WIPF2: variants seen among roughly 807,000 people sequenced by gnomAD.
The protein encoded by WIPF2 is WAS/WASL interacting protein family member 2.
In WIPF2, 23 loss-of-function variants were observed where a neutral mutation model predicts 38.8. The observed-to-expected ratio is 0.59, with a 90% confidence interval of 0.43 to 0.84. WIPF2 has a LOEUF of 0.84. WIPF2 is among the 40% of genes least tolerant of loss of function. WIPF2 has a pLI of 0.00. For missense variants in WIPF2, 574 were observed against 580.5 expected, an observed-to-expected ratio of 0.99 and a Z score of 0.11; for synonymous variants, 210 against 223.2, an observed-to-expected ratio of 0.94 and a Z score of 0.53.
At chr17:40,263,284 G>T (rs1010891803) in intron 4 of WIPF2, among the ~76,000 whole-genome samples, 1 of 151,974 alleles carries the variant, frequency 6.6e-6, no homozygotes, top group Admixed American at 6.6e-5. Flanking sequence ...CTCATAAGGG[G>T]CATGCAACCT....
chr17:40,269,721 C>T (rs996303249), intron 5 of WIPF2, among the ~76,000 whole-genome samples: 1 of 148,734 alleles, frequency 6.7e-6, no homozygotes, highest in Non-Finnish European at 1.5e-5. Flanking sequence ...TCTCCTGCCT[C>T]AGCCTCCCGA....
intron 1 of WIPF2, among the ~76,000 whole-genome samples, chr17:40,241,535 T>C (rs1211523086): frequency 2.6e-5 from 4 of 152,210 alleles, no homozygotes; most frequent in Non-Finnish European, 5.9e-5. Context: ...TTTGGGCTTG[T>C]GTGACTTCAT....
At chr17:40,234,192 C>A (rs1043112003) in intron 1 of WIPF2, among the ~76,000 whole-genome samples, 24 of 152,074 alleles carry the variant, frequency 1.6e-4, no homozygotes, top group South Asian at 6.2e-4. Flanking sequence ...CATGGTAAAA[C>A]CCTGTCTCTA....
rs1374727671 is a variant in WIPF2 at position 40,276,431 on chromosome 17, G to T, written c.1181-652G>T. ...TAATCTCAGGGACGCTGGGGCAGGA[G>T]AATCGCTTGAACTTGGGAGGTGGAG... On this transcript the variant is annotated intron_variant, in intron 6 of 7. Transcript: ENST00000323571. Among the ~76,000 whole-genome samples the T allele has an allele frequency of 6.7e-5, 9 of 133,432 alleles. No homozygotes were observed. The East Asian group carries it at 1.1e-3, about 17-fold the overall frequency. The allele number at this position is 133,432 out of a possible 152,430, so 87.5% of individuals were successfully genotyped here. A position where few individuals can be genotyped will look rare whatever the true frequency, so the allele number is the denominator to read the frequency against.
chr17:40,262,661 C>G lies in WIPF2; in HGVS notation c.313+20C>G. The G allele has an allele frequency of 6.3e-7, 1 of 1,594,958 alleles. No individual in the cohort carries two copies. Among genetic ancestry groups the G allele is most frequent in the Non-Finnish European group, 8.6e-7 (1 of 1,163,214 alleles). On this transcript the variant is annotated intron_variant, in intron 4 of 7. Coordinates refer to ENST00000323571, the MANE Select transcript of WIPF2 (RefSeq NM_133264.5). The stretch of plus-strand genomic sequence containing the variant: ...GTTCAGGTATCTGATGAGTACTTTC[C>G]CAGGGTATTTCCCTGGTGTGTTAAT...
Position 40,282,475 on chromosome 17 carries a change from G to A in WIPF2, c.*4250G>A, listed in dbSNP as rs2032572685. ...CGTGCGCACGCGTGTGCGTGTGTGT[G>A]TTCATCTGTCTGCATGTGGATCAAT... On this transcript the variant is annotated 3_prime_UTR_variant, in exon 8 of 8. Coordinates refer to ENST00000323571, the MANE Select transcript of WIPF2 (RefSeq NM_133264.5). 1 of 151,932 alleles carries A rather than the reference G, an allele frequency of 6.6e-6. No homozygotes were observed. Among genetic ancestry groups the A allele is most frequent in the African/African-American group, 2.4e-5 (1 of 41,178 alleles). The allele number at this position is 151,932 out of a possible 1,614,324, so 9.4% of individuals were successfully genotyped here.
chr17:40,267,234 C>T (rs138140736), intron 5 of WIPF2, among the ~76,000 whole-genome samples: 26 of 152,248 alleles, frequency 1.7e-4, no homozygotes, highest in African/African-American at 5.5e-4. Flanking sequence ...TGTGTTTAAC[C>T]AGCGTTAGCA....
chr17:40,257,268 C>T (rs761938109), intron 2 of WIPF2, among the ~76,000 whole-genome samples: 12 of 152,194 alleles, frequency 7.9e-5, no homozygotes, highest in South Asian at 2.1e-4. Flanking sequence ...TGAGCCACCG[C>T]GCCCGGCTTG....
intron 1 of WIPF2, among the ~76,000 whole-genome samples, chr17:40,255,133 C>G (rs553940465): frequency 1.3e-5 from 2 of 152,212 alleles, no homozygotes; most frequent in African/African-American, 4.8e-5. Context: ...TATTAAAGGA[C>G]TGTTATCCAG....
intron 6 of WIPF2, among the ~76,000 whole-genome samples, chr17:40,276,196 G>C (rs1401090675): frequency 6.6e-6 from 1 of 152,148 alleles, no homozygotes; most frequent in African/African-American, 2.4e-5. Context: ...ATTTAGATCA[G>C]TTGTTTTCCC....
chr17:40,266,912 C>CA (rs2145394260), intron 5 of WIPF2, among the ~76,000 whole-genome samples: 1 of 152,242 alleles, frequency 6.6e-6, no homozygotes, highest in South Asian at 2.1e-4. Context: ...GGCTTAGAAG[C>CA]AAGTGGGTAG....
At chr17:40,220,239 A>C (rs1377590196) in intron 1 of WIPF2, among the ~76,000 whole-genome samples, 2 of 151,698 alleles carry the variant, frequency 1.3e-5, no homozygotes, top group African/African-American at 4.8e-5. Flanking sequence ...GGACTCCCAG[A>C]GTGCTGGGAT....
At chr17:40,229,818 C>T (rs920529516) in intron 1 of WIPF2, among the ~76,000 whole-genome samples, 1 of 152,148 alleles carries the variant, frequency 6.6e-6, no homozygotes, top group Non-Finnish European at 1.5e-5. Flanking sequence ...AGAGGAAGGG[C>T]AGTCAGAGAA....
At chr17:40,257,655 A>G (rs1216968344) in intron 2 of WIPF2, among the ~76,000 whole-genome samples, 2 of 149,840 alleles carry the variant, frequency 1.3e-5, no homozygotes, top group African/African-American at 2.5e-5. Flanking sequence ...CTGAAGCGGG[A>G]GAATTGCTTG....
intron 1 of WIPF2, chr17:40,220,678 G>C (rs944424797): frequency 6.9e-6 from 1 of 144,652 alleles, no homozygotes; most frequent in African/African-American, 2.6e-5. Context: ...CTGTTGTCCA[G>C]GCTAGTCTGG....
At chr17:40,249,369 A>C (rs2031479192) in intron 1 of WIPF2, among the ~76,000 whole-genome samples, 1 of 152,164 alleles carries the variant, frequency 6.6e-6, no homozygotes, top group South Asian at 2.1e-4. Flanking sequence ...TGTTTTTAAA[A>C]TGTAGGAATA....
At chr17:40,264,352 A>AAAGAAAAAAAAAAAAACC in intron 4 of WIPF2, 138 bp from the exon 5 acceptor site, 1 of 646,450 alleles carries the variant, frequency 1.5e-6, no homozygotes, top group Non-Finnish European at 2.5e-6. Flanking sequence ...AAAAAAAAAA[A>AAAGAAAAAAAAAAAAACC]AGAAAAACAA....
At position 40,270,365 on chromosome 17, in the gene WIPF2, C is replaced by CAAA. The variant is rs574916961; in HGVS notation, c.971-3409_971-3407dup. On this transcript the variant is annotated intron_variant, in intron 5 of 7. Transcript: ENST00000323571. ...TGGGGGACAGAGCGAGACTCCGTCTCAAAAAAAAAAAAAAAAAAGAAAAAT... is the reference window on the plus strand; with the variant it reads ...TGGGGGACAGAGCGAGACTCCGTCTCAAAAAAAAAAAAAAAAAAAAAGAAAAAT... Among the ~76,000 whole-genome samples, 6 of 68,330 alleles carry CAAA rather than the reference C, an allele frequency of 8.8e-5. 1 individual carries two copies. Among genetic ancestry groups the CAAA allele is most frequent in the East Asian group, 3.4e-4 (1 of 2,954 alleles). The allele number at this position is 68,330 out of a possible 152,430, so 44.8% of individuals were successfully genotyped here. A position where few individuals can be genotyped will look rare whatever the true frequency, so the allele number is the denominator to read the frequency against.
At chr17:40,237,136 C>T (rs2031002390) in intron 1 of WIPF2, among the ~76,000 whole-genome samples, 1 of 151,838 alleles carries the variant, frequency 6.6e-6, no homozygotes, top group African/African-American at 2.4e-5. Context: ...AATGTATTCT[C>T]ACTTTGATAA....
Sources: gnomAD v4.1 joint callset for allele counts (sites outside exome capture counted in the v4.1 genomes callset) on GRCh38, gnomAD v4.1.1 for gene constraint, MANE v1.5 for transcripts, NCBI Gene and HGNC (gene_info 2026-07-23, HGNC 2026-07-21) for gene names.